Variants in DSG1 observed in about 807,000 individuals in gnomAD.
The protein encoded by DSG1 is desmoglein-1.
DSG1 carries 39 observed loss-of-function variants against 97.5 expected under a neutral mutation model. That is an observed-to-expected ratio of 0.40 (90% CI 0.31 to 0.52). DSG1 has a LOEUF of 0.52. Ranked by LOEUF, DSG1 falls within the 20% of genes least tolerant of loss-of-function variation. The pLI is 0.53. For synonymous variants in DSG1, 475 were observed against 443.4 expected (o/e 1.07, Z -0.90); for missense variants, 1,311 against 1,295.4 (o/e 1.01, Z -0.18).
rs183420000 is a variant in DSG1, at chr18:31,326,829, G to T, written c.85-45G>T. The T allele has an allele frequency of 1.7e-5, 27 of 1,586,656 alleles. No individual in the cohort carries two copies. In the East Asian group the frequency reaches 4.7e-4, roughly 28 times the overall value. On this transcript the variant is annotated intron_variant, in intron 2 of 14. Coordinates refer to ENST00000257192, the MANE Select transcript of DSG1 (RefSeq NM_001942.4). Reference sequence around the variant, plus strand: ...AAAATCTCAGTGGAATTTGAATTACGAATTCAAATTAATATATACCATTTC... The same window carrying T: ...AAAATCTCAGTGGAATTTGAATTACTAATTCAAATTAATATATACCATTTC...
intron 1 of DSG1, among the ~76,000 whole-genome samples, chr18:31,319,274 C>G (rs757738887): frequency 6.6e-6 from 1 of 152,140 alleles, no homozygotes; most frequent in African/African-American, 2.4e-5. Flanking sequence ...GTAAATTGCC[C>G]TCCAGCTTGG....
chr18:31,333,953 A>C (rs2071736081), intron 7 of DSG1, 64 bp from the exon 8 acceptor site: 1 of 1,249,316 alleles, frequency 8.0e-7, no homozygotes, highest in Non-Finnish European at 1.2e-6. Context: ...ATTCCAGTAT[A>C]AGCCTACTGT....
chr18:31,357,697 GA>G lies in DSG1; in HGVS notation c.*2357del, dbSNP rs960476508. ...CACTGTTAAACGATGGGAAAAACAA[GA>G]AAAAACATGGCCATTTGAGTCATTG... On this transcript the variant is annotated 3_prime_UTR_variant, in exon 15 of 15. Transcript: ENST00000257192. 2.6e-5 allele frequency among the ~76,000 whole-genome samples: 4 copies of G among 151,822 alleles called. No individual in the cohort carries two copies. The highest frequency in any genetic ancestry group is 5.9e-5 in the Non-Finnish European group (4 of 67,820).
intron 13 of DSG1, 70 bp downstream of exon 13, chr18:31,344,065 T>C (rs2071811022): frequency 6.2e-6 from 7 of 1,126,508 alleles, no homozygotes. Context: ...CTTTGATTAT[T>C]GTTTTTTAAT....
intron 1 of DSG1, among the ~76,000 whole-genome samples, chr18:31,320,067 T>A (rs1014785134): frequency 1.3e-5 from 2 of 152,136 alleles, no homozygotes; most frequent in East Asian, 1.9e-4. Context: ...ACATCATAGG[T>A]TTTTTTGGAA....
chr18:31,346,109 G>A lies in DSG1; in HGVS notation c.2011G>A (p.Glu671Lys). ...KTSGMPEICQ[E>K]YSGTLRRNSM... Reference sequence around the variant, plus strand: ...TTCAGGAATGCCTGAGATATGTCAAGAATACTCTGGAACATTAAGAAGAAA... The same window carrying A: ...TTCAGGAATGCCTGAGATATGTCAAAAATACTCTGGAACATTAAGAAGAAA... The change falls in exon 14 of 15, where the codon GAA becomes AAA. Residue 671 changes from glutamate to lysine, a missense_variant. Physicochemically the swap from Glu to Lys is moderately conservative, Grantham distance 56. Transcript: ENST00000257192. 1.2e-6 allele frequency: 2 copies of A among 1,613,766 alleles called. No individual in the cohort carries two copies. The highest frequency in any genetic ancestry group is 1.7e-6 in the Non-Finnish European group (2 of 1,179,710).
chr18:31,336,573 G>A lies in DSG1; in HGVS notation c.1225G>A (p.Ala409Thr). The A allele has an allele frequency of 1.2e-6, 2 of 1,614,030 alleles. No individual in the cohort carries two copies. The highest frequency in any genetic ancestry group is 1.1e-5 in the South Asian group (1 of 91,082). ...GSNDKVGDFV[A>T]TDLDTGRPST... ...AAATGATAAAGTGGGAGACTTTGTA[G>A]CTACTGACCTGGACACAGGTAGACC... Residue 409 changes from alanine to threonine, a missense_variant, in exon 9 of 15, where the codon GCT becomes ACT. Coordinates refer to ENST00000257192, the MANE Select transcript of DSG1 (RefSeq NM_001942.4).
In DSG1 at chr18:31,354,681, C is replaced by G. The variant is rs556017565; in HGVS notation, c.2485C>G (p.Pro829Ala). The G allele has an allele frequency of 6.2e-6, 10 of 1,614,014 alleles. No individual in the cohort carries two copies. In the African/African-American group the frequency reaches 1.3e-4, roughly 22 times the overall value. Reference protein sequence around the residue: ...GVLHPKPILDPLGYGNVTVTE... With the variant: ...GVLHPKPILDALGYGNVTVTE... Reference sequence around the variant, plus strand: ...ACTGCATCCTAAGCCTATTCTCGATCCTCTGGGCTATGGTAATGTCACTGT... The same window carrying G: ...ACTGCATCCTAAGCCTATTCTCGATGCTCTGGGCTATGGTAATGTCACTGT... Residue 829 changes from proline to alanine, a missense_variant, in exon 15 of 15, where the codon CCT (proline) becomes GCT (alanine). Coordinates refer to ENST00000257192, the MANE Select transcript of DSG1 (RefSeq NM_001942.4).
chr18:31,355,386 A>C lies in DSG1; in HGVS notation c.*40A>C. The C allele has an allele frequency of 1.3e-6, 2 of 1,594,700 alleles. No individual in the cohort carries two copies. Among genetic ancestry groups the C allele is most frequent in the Non-Finnish European group, 1.7e-6 (2 of 1,164,502 alleles). The stretch of plus-strand genomic sequence containing the variant: ...CACTTTTTCATAGTCATTGTGGTTT[A>C]GATCCAATTCCCACCACTAAAAAAC... On this transcript the variant is annotated 3_prime_UTR_variant, in exon 15 of 15. Coordinates refer to ENST00000257192, the MANE Select transcript of DSG1 (RefSeq NM_001942.4).
At chr18:31,340,617 AG>A (rs1313183639) in intron 11 of DSG1, among the ~76,000 whole-genome samples, 1 of 152,128 alleles carries the variant, frequency 6.6e-6, no homozygotes, top group East Asian at 1.9e-4. Flanking sequence ...GCATTTTAAA[AG>A]ATGAATAAGA....
In DSG1 at chr18:31,353,778, C is replaced by T. The variant is rs543437886; in HGVS notation, c.2101-519C>T. ...CTTTCTTTGACTCAGAAAGGGAACT[C>T]CCTGACCCCTTGCGCTTCCCAAGTG... is the stretch of plus-strand genomic sequence containing the variant. On this transcript the variant is annotated intron_variant, in intron 14 of 14. Transcript: ENST00000257192. The T allele has an allele frequency of 2.4e-3, 400 of 168,146 alleles. 3 individuals carry two copies. The highest frequency in any genetic ancestry group is 3.6e-3 in the Admixed American group (64 of 17,556). The allele number at this position is 168,146 out of a possible 1,614,324, so 10.4% of individuals were successfully genotyped here. A position where few individuals can be genotyped will look rare whatever the true frequency, so the allele number is the denominator to read the frequency against.
Position 31,357,674 on chromosome 18 carries a change from CTGT to C in DSG1, c.*2330_*2332del, listed in dbSNP as rs1195617166. Among the ~76,000 whole-genome samples the C allele has an allele frequency of 6.6e-6, 1 of 151,874 alleles. No homozygotes were observed. The highest frequency in any genetic ancestry group is 2.4e-5 in the African/African-American group (1 of 41,406). On this transcript the variant is annotated 3_prime_UTR_variant, in exon 15 of 15. Coordinates refer to ENST00000257192, the MANE Select transcript of DSG1 (RefSeq NM_001942.4). ...TTAGTTACATCTGAACTCCTAAACA[CTGT>C]TAAACGATGGGAAAAACAAGAAAAA...
chr18:31,329,646 G>A (rs773081343), intron 4 of DSG1, among the ~76,000 whole-genome samples: 8 of 151,468 alleles, frequency 5.3e-5, no homozygotes, highest in Non-Finnish European at 1.0e-4. Context: ...ACTTAGGGAC[G>A]CTTCAAATAC....
intron 8 of DSG1, among the ~76,000 whole-genome samples, chr18:31,335,261 T>C (rs947768605): frequency 5.3e-5 from 8 of 152,222 alleles, no homozygotes; most frequent in African/African-American, 1.9e-4. Flanking sequence ...CCTGCATAAG[T>C]TCTCATAGCT....
At chr18:31,354,276 C>G in intron 14 of DSG1, 21 bp from the exon 15 acceptor site, 1 of 1,603,550 alleles carries the variant, frequency 6.2e-7, no homozygotes, top group Non-Finnish European at 8.5e-7. Context: ...ATTTCATTTT[C>G]TCTTTCTCCT....
In DSG1 at chr18:31,318,807, C is replaced by T. The variant is rs143843812; in HGVS notation, c.48+459C>T. Among the ~76,000 whole-genome samples the T allele has an allele frequency of 3.8e-3, 570 of 151,772 alleles. 1 individual carries two copies. The highest frequency in any genetic ancestry group is 0.012 in the African/African-American group (493 of 41,398). ...AAAATAGCACCACATAATTTAAAAT[C>T]GTAGCAGTTTGTGGCTGGTCTCGCT... On this transcript the variant is annotated intron_variant, in intron 1 of 14. Transcript: ENST00000257192.
In DSG1 at chr18:31,355,733, C is replaced by G; in HGVS notation, c.*387C>G. 1 of 197,304 alleles carries G rather than the reference C, an allele frequency of 5.1e-6. No individual in the cohort carries two copies. The highest frequency in any genetic ancestry group is 1.1e-5 in the Non-Finnish European group (1 of 94,936). The allele number at this position is 197,304 out of a possible 1,614,324, so 12.2% of individuals were successfully genotyped here. A position where few individuals can be genotyped will look rare whatever the true frequency, so the allele number is the denominator to read the frequency against. ...CTAAATATGCAATATATGTTCATAT[C>G]TATGGGAAAAATCTAAAATGTGTGC... On this transcript the variant is annotated 3_prime_UTR_variant, in exon 15 of 15. Transcript: ENST00000257192.
rs1419355524 is a variant in DSG1 at position 31,355,688 on chromosome 18, C to T, written c.*342C>T. 3.2e-5 allele frequency: 9 copies of T among 282,588 alleles called. No homozygotes were observed. Among genetic ancestry groups the T allele is most frequent in the Non-Finnish European group, 4.8e-5 (7 of 146,456 alleles). The allele number at this position is 282,588 out of a possible 1,614,324, so 17.5% of individuals were successfully genotyped here. ...CTCTGTTTTGCTTTTCCATATAGCT[C>T]GAGCAAAATTCAAAAAGAACTAAAT... On this transcript the variant is annotated 3_prime_UTR_variant, in exon 15 of 15. Coordinates refer to ENST00000257192, the MANE Select transcript of DSG1 (RefSeq NM_001942.4).
At chr18:31,319,482 T>C (rs2071640535) in intron 1 of DSG1, among the ~76,000 whole-genome samples, 1 of 152,162 alleles carries the variant, frequency 6.6e-6, no homozygotes, top group South Asian at 2.1e-4. Flanking sequence ...GTGGCTTTGG[T>C]TCCAAGCTTT....
Sources: allele counts gnomAD v4.1 joint callset (sites outside exome capture counted in the v4.1 genomes callset), GRCh38; gene constraint gnomAD v4.1.1; transcripts MANE v1.5; gene names NCBI Gene and HGNC (gene_info 2026-07-23, HGNC 2026-07-21).